The following REPS1 variants were observed in gnomAD, a reference collection of about 807,000 sequenced individuals.
REPS1 encodes RALBP1 associated Eps domain containing 1, also known as ralBP1-associated Eps domain-containing protein 1.
REPS1 carries 39 observed loss-of-function variants against 100.9 expected under a neutral mutation model. The ratio of observed to expected loss-of-function variants is 0.39; its 90% CI spans 0.30 to 0.50. The LOEUF is 0.50. Ranked by LOEUF, REPS1 falls within the 20% of genes least tolerant of loss-of-function variation. REPS1 has a pLI of 0.86. For synonymous variants in REPS1, 324 were observed against 340.3 expected, an observed-to-expected ratio of 0.95 and a Z score of 0.53; for missense variants, 821 against 968.5, an observed-to-expected ratio of 0.85 and a Z score of 2.02.
intron 1 of REPS1, among the ~76,000 whole-genome samples, chr6:138,952,231 G>A (rs573376852): frequency 6.6e-6 from 1 of 152,168 alleles, no homozygotes; most frequent in Admixed American, 6.5e-5. Flanking sequence ...GAAAGAAAGG[G>A]CATCTGAACT....
intron 1 of REPS1, among the ~76,000 whole-genome samples, chr6:138,983,485 A>T (rs1785071855): frequency 6.6e-6 from 1 of 152,116 alleles, no homozygotes; most frequent in Non-Finnish European, 1.5e-5. Flanking sequence ...AAAATAAACA[A>T]GAATAACACC....
rs969338423 is a variant in REPS1 at position 138,914,589 on chromosome 6, T to A, written c.1785+108A>T. 9 of 857,722 alleles carry A rather than the reference T, an allele frequency of 1.0e-5. No individual in the cohort carries two copies. In the African/African-American group the frequency reaches 1.5e-4, roughly 14 times the overall value. 53.1% of individuals were successfully genotyped at this position (857,722 alleles called of 1,614,324 possible). ...CACTGAATTAAATGCTCATTAAAGA[T>A]TACCAACAGATCATTCCTGACCTTC... On this transcript the variant is annotated intron_variant, in intron 15 of 19. Transcript: ENST00000450536.
chr6:138,979,628 C>T (rs990230356), intron 1 of REPS1, among the ~76,000 whole-genome samples: 1 of 152,152 alleles, frequency 6.6e-6, no homozygotes, highest in Non-Finnish European at 1.5e-5. Flanking sequence ...AAATTCAATA[C>T]AGCTGACTAC....
At chr6:138,947,571 T>A (rs1018278787) in intron 2 of REPS1, among the ~76,000 whole-genome samples, 2 of 152,188 alleles carry the variant, frequency 1.3e-5, no homozygotes, top group Non-Finnish European at 2.9e-5. Flanking sequence ...TATAGTCAAA[T>A]ACAGATGAAG....
rs566346043 is a variant in REPS1 at position 138,940,778 on chromosome 6, GAAGA to G, written c.1135+553_1135+556del. Among the ~76,000 whole-genome samples, 912 of 151,190 alleles carry G rather than the reference GAAGA, an allele frequency of 6.0e-3. 15 individuals carry two copies. Among genetic ancestry groups the G allele is most frequent in the African/African-American group, 0.021 (859 of 41,282 alleles). ...GAAAAAAGAAAAAAAAAAAGAAAAGGAAGAAAGAAAGAAAGGTCCCAATAAATAT... is the reference window on the plus strand; with the variant it reads ...GAAAAAAGAAAAAAAAAAAGAAAAGGAAGAAAGAAAGGTCCCAATAAATAT... On this transcript the variant is annotated intron_variant, in intron 8 of 19. Coordinates refer to ENST00000450536, the MANE Select transcript of REPS1 (RefSeq NM_001286611.2).
intron 8 of REPS1, among the ~76,000 whole-genome samples, chr6:138,938,780 T>C (rs1266791335): frequency 1.3e-5 from 2 of 152,266 alleles, no homozygotes; most frequent in South Asian, 2.1e-4. Flanking sequence ...AATTCTAATG[T>C]CAGCCGAAAG....
intron 6 of REPS1, 114 bp from the exon 7 acceptor site, chr6:138,943,690 A>G: frequency 1.0e-6 from 1 of 996,628 alleles, no homozygotes; most frequent in Non-Finnish European, 1.4e-6. Flanking sequence ...ATATGTGAAT[A>G]TGTCATGTTT....
In REPS1 at chr6:138,915,673, G is replaced by A. The variant is rs528918008; in HGVS notation, c.1720+185C>T. ...TCACCATGTTGGCCAGGCTGGTCTCGAACTCATAACCTCAAGTGATCTGCC... is the reference window on the plus strand; with the variant it reads ...TCACCATGTTGGCCAGGCTGGTCTCAAACTCATAACCTCAAGTGATCTGCC... On this transcript the variant is annotated intron_variant, in intron 14 of 19. Transcript: ENST00000450536. Among the ~76,000 whole-genome samples the A allele has an allele frequency of 2.6e-4, 39 of 152,024 alleles. No individual in the cohort carries two copies. The South Asian group carries it at 7.5e-3, about 29-fold the overall frequency.
Position 138,952,475 on chromosome 6 carries a change from C to CTGTTG in REPS1, c.154-4563_154-4562insCAACA, listed in dbSNP as rs748824763. Among the ~76,000 whole-genome samples the CTGTTG allele has an allele frequency of 3.0e-4, 45 of 152,088 alleles. No individual in the cohort carries two copies. The Middle Eastern group carries it at 0.017, about 57-fold the overall frequency. ...AGAGCAATGGCGCGATCTCAGCTGA[C>CTGTTG]TGCAACCTCCACCTCCTGGGTACAA... On this transcript the variant is annotated intron_variant, in intron 1 of 19. Transcript: ENST00000450536.
At chr6:138,921,761 A>T (rs1780779440) in intron 10 of REPS1, among the ~76,000 whole-genome samples, 1 of 151,802 alleles carries the variant, frequency 6.6e-6, no homozygotes, top group South Asian at 2.1e-4. Flanking sequence ...TATTTTTAGT[A>T]GAGACAGGGT....
chr6:138,931,754 A>C (rs566146404), intron 8 of REPS1, among the ~76,000 whole-genome samples: 1 of 150,284 alleles, frequency 6.7e-6, no homozygotes, highest in African/African-American at 2.5e-5. Flanking sequence ...TCCTCATTGG[A>C]TAGTTTTCAT....
intron 1 of REPS1, among the ~76,000 whole-genome samples, chr6:138,969,334 C>CA (rs1328679634): frequency 7.5e-6 from 1 of 133,208 alleles, no homozygotes; most frequent in African/African-American, 2.8e-5. Context: ...GTCTGTCTTC[C>CA]AGGCTGGAGT....
chr6:138,980,033 A>C lies in REPS1; in HGVS notation c.153+7497T>G, dbSNP rs1784844928. On this transcript the variant is annotated intron_variant, in intron 1 of 19. Coordinates refer to ENST00000450536, the MANE Select transcript of REPS1 (RefSeq NM_001286611.2). ...TGAATTCACCCTTACCTCTCCCACGAAACAATCCCCCCCAAAATCCACTCC... is the reference window on the plus strand; with the variant it reads ...TGAATTCACCCTTACCTCTCCCACGCAACAATCCCCCCCAAAATCCACTCC... 1.3e-5 allele frequency among the ~76,000 whole-genome samples: 2 copies of C among 152,132 alleles called. 1 individual carries two copies. Among genetic ancestry groups the C allele is most frequent in the Admixed American group, 1.3e-4 (2 of 15,270 alleles).
At chr6:138,980,607 A>G (rs538766140) in intron 1 of REPS1, among the ~76,000 whole-genome samples, 2 of 131,500 alleles carry the variant, frequency 1.5e-5, no homozygotes, top group South Asian at 2.4e-4. Flanking sequence ...GGTCCCCACT[A>G]CCTCCTCTGA....
At chr6:138,970,211 T>C (rs1303595661) in intron 1 of REPS1, among the ~76,000 whole-genome samples, 1 of 151,750 alleles carries the variant, frequency 6.6e-6, no homozygotes, top group Non-Finnish European at 1.5e-5. Context: ...AAAAGAACGA[T>C]TGGCTAAGTC....
chr6:138,908,789 G>A lies in REPS1; in HGVS notation c.2095C>T (p.Pro699Ser). 2 of 1,613,762 alleles carry A rather than the reference G, an allele frequency of 1.2e-6. No homozygotes were observed. Among genetic ancestry groups the A allele is most frequent in the Non-Finnish European group, 1.7e-6 (2 of 1,179,920 alleles). The change falls in exon 18 of 20, where the codon CCA (proline) becomes TCA (serine). Residue 699 changes from proline (P) to serine (S), a missense_variant. Pro to Ser is a moderately conservative substitution (Grantham distance 74, BLOSUM62 -1). Transcript: ENST00000450536. ...AATCTTCTTCGAACAGGTTTAGGTG[G>A]TGGAGCAAGTGGTGTTGTGCCTTTG... is the stretch of plus-strand genomic sequence containing the variant. ...VSKGTTPLAP[P>S]PKPVRRRLKS... is the part of the protein sequence containing the mutation.
chr6:138,916,449 G>C (rs1262600466), intron 13 of REPS1, among the ~76,000 whole-genome samples: 2 of 151,932 alleles, frequency 1.3e-5, no homozygotes, highest in African/African-American at 4.8e-5. Flanking sequence ...TCGAACTCCT[G>C]ACTTCAGGTG....
intron 1 of REPS1, among the ~76,000 whole-genome samples, chr6:138,964,357 T>C (rs769354922): frequency 3.9e-5 from 6 of 152,178 alleles, no homozygotes; most frequent in Non-Finnish European, 8.8e-5. Flanking sequence ...ACTGTCTATA[T>C]GTTATGATGT....
chr6:138,941,511 A>G (rs375941169), intron 7 of REPS1, 22 bp from the exon 8 acceptor site: 40 of 1,602,812 alleles, frequency 2.5e-5, no homozygotes, highest in Non-Finnish European at 3.4e-5. Flanking sequence ...GTTTATTGTG[A>G]ATATAATCAC....
Sources: allele counts gnomAD v4.1 joint callset (sites outside exome capture counted in the v4.1 genomes callset), GRCh38; gene constraint gnomAD v4.1.1; transcripts MANE v1.5; gene names NCBI Gene and HGNC (gene_info 2026-07-23, HGNC 2026-07-21).